Variants in RPS6KA2 observed in about 807,000 individuals in gnomAD.
RPS6KA2 encodes the protein ribosomal protein S6 kinase A2.
A neutral mutation model predicts 91.8 loss-of-function variants in RPS6KA2; 42 were observed. The ratio of observed to expected loss-of-function variants is 0.46; its 90% CI spans 0.36 to 0.59. RPS6KA2 has a LOEUF of 0.59. RPS6KA2 is among the 20% of genes least tolerant of loss of function. RPS6KA2 has a pLI of 0.00. For synonymous variants in RPS6KA2, 414 were observed against 393.6 expected (o/e 1.05, Z -0.61); for missense variants, 798 against 978.5 (o/e 0.82, Z 2.46).
chr6:166,672,827 C>A (rs1239270300), intron 2 of RPS6KA2, among the ~76,000 whole-genome samples: 2 of 152,188 alleles, frequency 1.3e-5, no homozygotes, highest in African/African-American at 4.8e-5. Context: ...ACAGATATTG[C>A]CTCTCCAAAG....
chr6:166,442,504 A>G (rs1779551581), intron 14 of RPS6KA2, among the ~76,000 whole-genome samples: 1 of 152,194 alleles, frequency 6.6e-6, no homozygotes, highest in African/African-American at 2.4e-5. Flanking sequence ...GGATTAAATG[A>G]CTTCACACAT....
intron 8 of RPS6KA2, among the ~76,000 whole-genome samples, chr6:166,491,940 A>G (rs1028592777): frequency 1.3e-5 from 2 of 152,238 alleles, no homozygotes; most frequent in African/African-American, 4.8e-5. Flanking sequence ...CACTTAACAA[A>G]CATGGATATG....
At chr6:166,513,413 C>T (rs1346816720) in intron 3 of RPS6KA2, among the ~76,000 whole-genome samples, 2 of 152,210 alleles carry the variant, frequency 1.3e-5, no homozygotes, top group Non-Finnish European at 2.9e-5. Context: ...CCTTCTTCTG[C>T]CTCAACTAAC....
chr6:166,519,966 T>C (rs1408598286), intron 3 of RPS6KA2, among the ~76,000 whole-genome samples: 1 of 152,188 alleles, frequency 6.6e-6, no homozygotes, highest in Non-Finnish European at 1.5e-5. Flanking sequence ...TTCTGGAAGA[T>C]ATCAACATTT....
rs1306436538 is a variant in RPS6KA2 at position 166,839,689 on chromosome 6, A to AGGGGAGGGGAGGGGAGGGGAGGGGAGGG, written c.123+18510_123+18511insCCCTCCCCTCCCCTCCCCTCCCCTCCCC. 5.7e-3 allele frequency among the ~76,000 whole-genome samples: 39 copies of AGGGGAGGGGAGGGGAGGGGAGGGGAGGG among 6,784 alleles called. 9 individuals carry two copies. The highest frequency in any genetic ancestry group is 7.1e-3 in the African/African-American group (18 of 2,546). 4.5% of individuals were successfully genotyped at this position (6,784 alleles called of 152,430 possible). A position where few individuals can be genotyped will look rare whatever the true frequency, so the allele number is the denominator to read the frequency against. On this transcript the variant is annotated intron_variant, in intron 2 of 21. Coordinates refer to the RPS6KA2 transcript ENST00000503859. Reference sequence around the variant, plus strand: ...GAGGTGGAAATCAGAGCAGGAGAGGAGAGGGGAGGAGAGGAGAGGAGAGGA... The same window carrying AGGGGAGGGGAGGGGAGGGGAGGGGAGGG: ...GAGGTGGAAATCAGAGCAGGAGAGGAGGGGAGGGGAGGGGAGGGGAGGGGAGGGGAGGGGAGGAGAGGAGAGGAGAGGA...
intron 1 of RPS6KA2, among the ~76,000 whole-genome samples, chr6:166,606,187 A>G (rs16899233): frequency 0.035 from 5,285 of 152,304 alleles, 297 homozygotes; most frequent in African/African-American, 0.12. Flanking sequence ...CTATTTAAAT[A>G]GACCAGACTT....
At chr6:166,723,564 A>G (rs1790244906) in intron 2 of RPS6KA2, among the ~76,000 whole-genome samples, 1 of 152,198 alleles carries the variant, frequency 6.6e-6, no homozygotes, top group Admixed American at 6.5e-5. Flanking sequence ...CAATACGTAA[A>G]TACAAACAGA....
intron 1 of RPS6KA2, among the ~76,000 whole-genome samples, chr6:166,609,197 C>T (rs1786067936): frequency 6.6e-6 from 1 of 152,066 alleles, no homozygotes; most frequent in Non-Finnish European, 1.5e-5. Context: ...TCAATAGGAC[C>T]CTGAGTTCAG....
rs112033450 is a variant in RPS6KA2, at chr6:166,508,142, C to T, written c.459+61G>A. 301 of 1,077,470 alleles carry T rather than the reference C, an allele frequency of 2.8e-4. 3 individuals are homozygous for T. The African/African-American group carries it at 3.9e-3, about 14-fold the overall frequency. The allele number at this position is 1,077,470 out of a possible 1,614,324, so 66.7% of individuals were successfully genotyped here. On this transcript the variant is annotated intron_variant, in intron 5 of 20. Transcript: ENST00000265678. The surrounding 1 kb of genome is among the most constrained non-coding windows in gnomAD (Gnocchi z 4.3). Reference sequence around the variant, plus strand: ...CCTCTCAATGCTCTCCACCCCTCCTCCCCTCGAGTCCCAGACAGAAGCTCC... The same window carrying T: ...CCTCTCAATGCTCTCCACCCCTCCTTCCCTCGAGTCCCAGACAGAAGCTCC...
intron 19 of RPS6KA2, 98 bp from the exon 20 acceptor site, chr6:166,414,029 C>G: frequency 9.0e-7 from 1 of 1,111,344 alleles, no homozygotes; most frequent in South Asian, 1.4e-5. Flanking sequence ...TATGGCAACA[C>G]CCAACCACTA....
chr6:166,726,639 G>A lies in RPS6KA2; in HGVS notation c.123+131561C>T, dbSNP rs1235076614. On this transcript the variant is annotated intron_variant, in intron 2 of 21. Transcript: ENST00000503859. The surrounding 1 kb of genome is among the most constrained non-coding windows in gnomAD (Gnocchi z 4.4). ...TGATCACCTTAAATCACATAAACAT[G>A]ATCACCTTAAACAGAGAACTGGATC... Among the ~76,000 whole-genome samples, 1 of 152,206 alleles carries A rather than the reference G, an allele frequency of 6.6e-6. No homozygotes were observed.
intron 2 of RPS6KA2, among the ~76,000 whole-genome samples, chr6:166,751,949 C>G (rs1232972573): frequency 6.6e-6 from 1 of 152,080 alleles, no homozygotes; most frequent in Non-Finnish European, 1.5e-5. Flanking sequence ...AGCACAGAGG[C>G]CAGACTCCGT....
At chr6:166,862,338 C>T in exon 1 of RPS6KA2, 3 of 1,467,746 alleles carry the variant, frequency 2.0e-6, no homozygotes, top group South Asian at 1.3e-5. Flanking sequence ...CAGAGGAGGT[C>T]GTGAGCGCGG....
intron 2 of RPS6KA2, among the ~76,000 whole-genome samples, chr6:166,642,327 C>T (rs1221186707): frequency 2.0e-5 from 3 of 152,056 alleles, no homozygotes. Flanking sequence ...CAAACAAGGA[C>T]AAAACAAAGA....
chr6:166,687,572 A>T (rs1789063799), intron 2 of RPS6KA2, among the ~76,000 whole-genome samples: 1 of 152,184 alleles, frequency 6.6e-6, no homozygotes, highest in Admixed American at 6.5e-5. Context: ...AACTATTGGG[A>T]GCCAGCTGAC....
At chr6:166,847,820 A>G (rs571224088) in intron 2 of RPS6KA2, among the ~76,000 whole-genome samples, 1 of 152,314 alleles carries the variant, frequency 6.6e-6, no homozygotes, top group South Asian at 2.1e-4. Context: ...AGAAGATAAC[A>G]TTGGAAAAAC....
chr6:166,532,576 T>C (rs112513784), intron 2 of RPS6KA2, among the ~76,000 whole-genome samples: 3 of 152,288 alleles, frequency 2.0e-5, no homozygotes, highest in Admixed American at 6.5e-5. Flanking sequence ...CCGATCACTG[T>C]CATTATTGAA....
intron 6 of RPS6KA2, among the ~76,000 whole-genome samples, chr6:166,502,852 C>A (rs1409510229): frequency 6.6e-6 from 1 of 152,228 alleles, no homozygotes; most frequent in East Asian, 1.9e-4. Flanking sequence ...GGAGGCTGCT[C>A]TCTTCATGGG....
chr6:166,802,944 G>GTGTA (rs1390550668), intron 2 of RPS6KA2, among the ~76,000 whole-genome samples: 4 of 133,806 alleles, frequency 3.0e-5, no homozygotes, highest in African/African-American at 5.7e-5. Context: ...GTGTGTGTGT[G>GTGTA]TATATATATA....
Sources: gnomAD v4.1 joint callset for allele counts (sites outside exome capture counted in the v4.1 genomes callset) on GRCh38, gnomAD v4.1.1 for gene constraint, Gnocchi (gnomAD v3.1) non-coding constraint, MANE v1.5 for transcripts, NCBI Gene and HGNC (gene_info 2026-07-23, HGNC 2026-07-21) for gene names.